PCDH1: variants seen among roughly 807,000 people sequenced by gnomAD.
PCDH1 encodes protocadherin 1.
In PCDH1, 23 loss-of-function variants were observed where a neutral mutation model predicts 74.6. The ratio of observed to expected loss-of-function variants is 0.31; its 90% CI spans 0.22 to 0.44. The LOEUF is 0.44. PCDH1 is among the 20% of genes least tolerant of loss of function. The pLI is 1.00. For synonymous variants in PCDH1, 647 were observed against 686.1 expected (o/e 0.94, Z 0.89); for missense variants, 1,214 against 1,641.4 (o/e 0.74, Z 4.50).
rs1168740446 is a variant in PCDH1 at position 141,869,968 on chromosome 5, C to A, written c.41-537G>T. ...CCTTACACACCCCAGACCCTGGGAC[C>A]TTGACTTGTCACACTGGGCTCCATT... On this transcript the variant is annotated intron_variant, in intron 1 of 4. Transcript: ENST00000287008. The surrounding 1 kb of genome is among the most constrained non-coding windows in gnomAD (Gnocchi z 4.9). 1.3e-5 allele frequency among the ~76,000 whole-genome samples: 2 copies of A among 152,204 alleles called. No individual in the cohort carries two copies. Among genetic ancestry groups the A allele is most frequent in the Non-Finnish European group, 2.9e-5 (2 of 68,024 alleles).
Position 141,865,552 on chromosome 5 carries a change from C to T in PCDH1, c.904-125G>A, listed in dbSNP as rs1410316587. The T allele has an allele frequency of 2.7e-5, 29 of 1,082,098 alleles. No homozygotes were observed. Among genetic ancestry groups the T allele is most frequent in the Non-Finnish European group, 3.3e-5 (25 of 746,882 alleles). The allele number at this position is 1,082,098 out of a possible 1,614,324, so 67.0% of individuals were successfully genotyped here. A position where few individuals can be genotyped will look rare whatever the true frequency, so the allele number is the denominator to read the frequency against. ...ATGGCAGACACAGCCAATCCAACATCGCTCCCTTTCCAGAAGCCATGTGTG... is the reference window on the plus strand; with the variant it reads ...ATGGCAGACACAGCCAATCCAACATTGCTCCCTTTCCAGAAGCCATGTGTG... On this transcript the variant is annotated intron_variant, in intron 2 of 4. Transcript: ENST00000287008. This position sits in a 1 kb window ranked among gnomAD's most constrained non-coding sequence, Gnocchi z 4.4.
rs749147954 is a variant in PCDH1, at chr5:141,869,573, C to T, written c.41-142G>A. On this transcript the variant is annotated intron_variant, in intron 1 of 4. Coordinates refer to ENST00000287008, the MANE Select transcript of PCDH1 (RefSeq NM_032420.5). The surrounding 1 kb of genome is among the most constrained non-coding windows in gnomAD (Gnocchi z 4.9). Reference sequence around the variant, plus strand: ...AGCAGTCAGTCCCAGCACAGAACCCCGATTCCAGAAACTCAGATCCCTGAA... The same window carrying T: ...AGCAGTCAGTCCCAGCACAGAACCCTGATTCCAGAAACTCAGATCCCTGAA... 2.9e-5 allele frequency: 44 copies of T among 1,535,516 alleles called. No homozygotes were observed. The highest frequency in any genetic ancestry group is 4.9e-5 in the East Asian group (2 of 41,000).
Position 141,878,322 on chromosome 5 carries a change from T to C in PCDH1, c.-60A>G. ...CGCACGGCTGGGGCTGGAGCTGCAG[T>C]TCGGGCTCCGGCTCCGGCTCCGGCT... On this transcript the variant is annotated 5_prime_UTR_variant, in exon 1 of 5. Transcript: ENST00000287008. This position sits in a 1 kb window ranked among gnomAD's most constrained non-coding sequence, Gnocchi z 5.5. 5.1e-6 allele frequency: 6 copies of C among 1,167,188 alleles called. No individual in the cohort carries two copies. Among genetic ancestry groups the C allele is most frequent in the Non-Finnish European group, 6.4e-6 (6 of 940,450 alleles). 72.3% of individuals were successfully genotyped at this position (1,167,188 alleles called of 1,614,324 possible).
intron 1 of PCDH1, among the ~76,000 whole-genome samples, chr5:141,876,301 C>A (rs972757284): frequency 2.0e-5 from 3 of 152,184 alleles, no homozygotes; most frequent in Non-Finnish European, 4.4e-5. Context: ...CGCACCCAGG[C>A]CACCGCGGGG....
Position 141,853,810 on chromosome 5 carries a change from G to A in PCDH1, c.*232C>T. On this transcript the variant is annotated 3_prime_UTR_variant, in exon 5 of 5. Transcript: ENST00000287008. ...GAGCCCTCTTGGGCATCAGATGGGG[G>A]AAGCCCCATAAAGGGGAAGGGGCCC... The A allele has an allele frequency of 4.9e-6, 2 of 406,982 alleles. No individual in the cohort carries two copies. Among genetic ancestry groups the A allele is most frequent in the Non-Finnish European group, 8.7e-6 (2 of 229,604 alleles). 25.2% of individuals were successfully genotyped at this position (406,982 alleles called of 1,614,324 possible). A position where few individuals can be genotyped will look rare whatever the true frequency, so the allele number is the denominator to read the frequency against.
intron 1 of PCDH1, among the ~76,000 whole-genome samples, chr5:141,877,381 AAGG>A (rs1356917360): frequency 6.6e-6 from 1 of 152,118 alleles, no homozygotes; most frequent in Non-Finnish European, 1.5e-5. Flanking sequence ...AGAGGGGTGC[AAGG>A]AGACCTGTGC....
chr5:141,875,341 C>G (rs980670487), intron 1 of PCDH1, among the ~76,000 whole-genome samples: 4 of 152,174 alleles, frequency 2.6e-5, no homozygotes, highest in African/African-American at 9.7e-5. Flanking sequence ...TGGTATGTCT[C>G]TTACTACTGC....
chr5:141,866,230 G>C (rs1176758981), intron 2 of PCDH1: 1 of 985,398 alleles, frequency 1.0e-6, no homozygotes, highest in Non-Finnish European at 1.2e-6. Context: ...GGCACCGGCT[G>C]GCGAGGCACC....
chr5:141,863,187 G>T lies in PCDH1; in HGVS notation c.3099+45C>A. The T allele has an allele frequency of 6.6e-7, 1 of 1,520,672 alleles. No homozygotes were observed. The allele number at this position is 1,520,672 out of a possible 1,614,324, so 94.2% of individuals were successfully genotyped here. A position where few individuals can be genotyped will look rare whatever the true frequency, so the allele number is the denominator to read the frequency against. ...CGGTCCAGATGGCTCCGTGGTAGGG[G>T]TGGGGTAGGGGCTGGGGTGTGCTGA... On this transcript the variant is annotated intron_variant, in intron 3 of 4. Transcript: ENST00000287008. This position sits in a 1 kb window ranked among gnomAD's most constrained non-coding sequence, Gnocchi z 7.5.
chr5:141,872,012 C>T (rs576636555), intron 1 of PCDH1, among the ~76,000 whole-genome samples: 2 of 152,316 alleles, frequency 1.3e-5, no homozygotes, highest in South Asian at 4.1e-4. Flanking sequence ...TCTGTATGGC[C>T]TTCCCCAAGC....
At chr5:141,877,690 T>C (rs758319277) in intron 1 of PCDH1, among the ~76,000 whole-genome samples, 7 of 151,804 alleles carry the variant, frequency 4.6e-5, no homozygotes, top group Non-Finnish European at 7.4e-5. Flanking sequence ...GTGCGGGAGG[T>C]ATGTCTGTGT....
intron 3 of PCDH1, among the ~76,000 whole-genome samples, chr5:141,860,385 G>A (rs529609879): frequency 1.2e-4 from 18 of 151,768 alleles, no homozygotes; most frequent in African/African-American, 3.1e-4. Context: ...GGTGGTGCAC[G>A]ACTGTAGTCC....
Position 141,868,778 on chromosome 5 carries a change from G to C in PCDH1, c.694C>G (p.Leu232Val), listed in dbSNP as rs1225616088. ...AEDQEEKQPQ[L>V]IVMGNLDRER... ...CGGTCCAGGTTGCCCATCACAATGAGCTGTGGTTGCTTCTCCTCCTGGTCC... is the reference window on the plus strand; with the variant it reads ...CGGTCCAGGTTGCCCATCACAATGACCTGTGGTTGCTTCTCCTCCTGGTCC... Residue 232 changes from leucine (L) to valine (V), a missense_variant, in exon 2 of 5, where the codon CTC (leucine) becomes GTC (valine). Around this residue, in one of 4 missense-constraint regions of PCDH1, gnomAD observed 836 missense variants for 1,182.2 expected, o/e 0.71. Coordinates refer to ENST00000287008, the MANE Select transcript of PCDH1 (RefSeq NM_032420.5). This position sits in a 1 kb window ranked among gnomAD's most constrained non-coding sequence, Gnocchi z 4.8. 6.2e-7 allele frequency: 1 copy of C among 1,614,116 alleles called. No individual in the cohort carries two copies. The highest frequency in any genetic ancestry group is 1.3e-5 in the African/African-American group (1 of 74,944).
intron 4 of PCDH1, chr5:141,856,317 G>A: frequency 1.4e-6 from 2 of 1,440,338 alleles, no homozygotes; most frequent in Non-Finnish European, 1.9e-6. Flanking sequence ...GGAGGGGCGG[G>A]GTGGGGGTGG....
At chr5:141,856,281 GATGAGACGGGC>G in intron 4 of PCDH1, 1 of 1,500,226 alleles carries the variant, frequency 6.7e-7, no homozygotes. Flanking sequence ...GCACAAAAAG[GATGAGACGGGC>G]ATGAGATCGC....
At chr5:141,873,991 C>G (rs2126832798) in intron 1 of PCDH1, among the ~76,000 whole-genome samples, 1 of 152,278 alleles carries the variant, frequency 6.6e-6, no homozygotes, top group South Asian at 2.1e-4. Context: ...GTGGAAGAAC[C>G]AGGACTTGAG....
Position 141,865,270 on chromosome 5 carries a change from C to A in PCDH1, c.1061G>T (p.Arg354Leu). 6.2e-7 allele frequency: 1 copy of A among 1,614,182 alleles called. No individual in the cohort carries two copies. The highest frequency in any genetic ancestry group is 8.5e-7 in the Non-Finnish European group (1 of 1,180,032). The change falls in exon 3 of 5, where the codon CGC (arginine) becomes CTC (leucine). Residue 354 changes from arginine to leucine, a missense_variant. By Grantham distance (102) the Arg-to-Leu change is moderately radical. Around this residue, in one of 4 missense-constraint regions of PCDH1, gnomAD observed 836 missense variants for 1,182.2 expected, o/e 0.71. Transcript: ENST00000287008. The surrounding 1 kb of genome is among the most constrained non-coding windows in gnomAD (Gnocchi z 4.4). Reference protein sequence around the residue: ...PVDREDLSTLRFSVLAKDRGT... With the variant: ...PVDREDLSTLLFSVLAKDRGT... Reference sequence around the variant, plus strand: ...TCGGTCCTTAGCAAGCACTGAGAAGCGCAGGGTGCTTAGGTCCTCACGGTC... The same window carrying A: ...TCGGTCCTTAGCAAGCACTGAGAAGAGCAGGGTGCTTAGGTCCTCACGGTC...
intron 3 of PCDH1, among the ~76,000 whole-genome samples, chr5:141,857,676 T>A (rs1272938406): frequency 6.6e-6 from 1 of 152,052 alleles, no homozygotes; most frequent in Non-Finnish European, 1.5e-5. Context: ...CCGCTCCTAG[T>A]ACAGCCAAGT....
At chr5:141,873,980 T>C (rs900136366) in intron 1 of PCDH1, among the ~76,000 whole-genome samples, 1 of 152,330 alleles carries the variant, frequency 6.6e-6, no homozygotes, top group East Asian at 1.9e-4. Context: ...AGAAGTAGTA[T>C]GTGGAAGAAC....
Sources: allele counts gnomAD v4.1 joint callset (sites outside exome capture counted in the v4.1 genomes callset), GRCh38; gene constraint gnomAD v4.1.1; regional missense constraint gnomAD v4.1.1; non-coding constraint Gnocchi (gnomAD v3.1); transcripts MANE v1.5; gene names NCBI Gene and HGNC (gene_info 2026-07-23, HGNC 2026-07-21).